EBF3: variants seen among roughly 807,000 people sequenced by gnomAD.
EBF3 encodes the protein EBF transcription factor 3, also known as transcription factor COE3.
In EBF3, 18 loss-of-function variants were observed where a neutral mutation model predicts 77.1. That is an observed-to-expected ratio of 0.23 (90% CI 0.16 to 0.35). The LOEUF (loss-of-function observed/expected upper bound fraction) is 0.35, where lower values mean the gene tolerates loss of function less well. EBF3 is among the 10% of genes least tolerant of loss of function. EBF3 has a pLI of 1.00. For synonymous variants in EBF3, 350 were observed against 343.5 expected, an observed-to-expected ratio of 1.02 and a Z score of -0.21; for missense variants, 558 against 860.0, an observed-to-expected ratio of 0.65 and a Z score of 4.39.
intron 6 of EBF3, among the ~76,000 whole-genome samples, chr10:129,921,446 T>C (rs2134358714): frequency 6.6e-6 from 1 of 152,326 alleles, no homozygotes; most frequent in South Asian, 2.1e-4. Context: ...ATCACCAAGC[T>C]GCCGGCGTCC....
At chr10:129,959,309 A>AGGCCGG (rs1006806328) in intron 4 of EBF3, among the ~76,000 whole-genome samples, 112 of 151,856 alleles carry the variant, frequency 7.4e-4, no homozygotes, top group Non-Finnish European at 1.4e-3. Context: ...AGGGCGAGGG[A>AGGCCGG]GGCCGGGGCC....
intron 8 of EBF3, among the ~76,000 whole-genome samples, chr10:129,871,045 T>C (rs1225258497): frequency 6.6e-6 from 1 of 152,214 alleles, no homozygotes; most frequent in Non-Finnish European, 1.5e-5. Flanking sequence ...GATAGGATTA[T>C]ACCTTTACCT....
rs1027248298 is a variant in EBF3, at chr10:129,848,693, G to A, written c.1040-213C>T. Among the ~76,000 whole-genome samples the A allele has an allele frequency of 1.3e-5, 2 of 152,164 alleles. No individual in the cohort carries two copies. The highest frequency in any genetic ancestry group is 4.8e-5 in the African/African-American group (2 of 41,436). The stretch of plus-strand genomic sequence containing the variant: ...ATTATTTCTGATCTATAATTAGACT[G>A]GAAGAAAGTCAAAGGGTGACTCAAT... On this transcript the variant is annotated intron_variant, in intron 10 of 16. Transcript: ENST00000440978. The surrounding 1 kb of genome is among the most constrained non-coding windows in gnomAD (Gnocchi z 4.4).
intron 10 of EBF3, among the ~76,000 whole-genome samples, chr10:129,860,993 G>A (rs1488412806): frequency 6.6e-6 from 1 of 152,204 alleles, no homozygotes; most frequent in Non-Finnish European, 1.5e-5. Flanking sequence ...TAGCACAAAC[G>A]GTGTGTCTCA....
Position 129,879,203 on chromosome 10 carries a change from G to A in EBF3, c.555-1354C>T, listed in dbSNP as rs1345739336. Among the ~76,000 whole-genome samples, 1 of 152,084 alleles carries A rather than the reference G, an allele frequency of 6.6e-6. No individual in the cohort carries two copies. Among genetic ancestry groups the A allele is most frequent in the East Asian group, 1.9e-4 (1 of 5,188 alleles). On this transcript the variant is annotated intron_variant, in intron 6 of 16. Transcript: ENST00000440978. The surrounding 1 kb of genome is among the most constrained non-coding windows in gnomAD (Gnocchi z 4.7). ...AAAGTGGGTGGGGGGGTTTCTCCCT[G>A]TATAACCTCTGCCTCAACTTGAAAA...
At chr10:129,856,365 G>A (rs1222657595) in intron 10 of EBF3, among the ~76,000 whole-genome samples, 2 of 152,086 alleles carry the variant, frequency 1.3e-5, no homozygotes, top group Non-Finnish European at 2.9e-5. Flanking sequence ...AACAAAATGT[G>A]GTATATCCAT....
At chr10:129,910,726 C>T (rs1182803367) in intron 6 of EBF3, among the ~76,000 whole-genome samples, 2 of 152,184 alleles carry the variant, frequency 1.3e-5, no homozygotes, top group East Asian at 3.9e-4. Flanking sequence ...CAAAGTTGTC[C>T]AGGGCACAGA....
In EBF3 at chr10:129,875,387, G is replaced by T. The variant is rs552676545; in HGVS notation, c.637-1791C>A. Among the ~76,000 whole-genome samples, 51 of 151,960 alleles carry T rather than the reference G, an allele frequency of 3.4e-4. 2 individuals are homozygous for T. In the South Asian group the frequency reaches 0.011, roughly 32 times the overall value. On this transcript the variant is annotated intron_variant, in intron 7 of 16. Coordinates refer to ENST00000440978, the MANE Select transcript of EBF3 (RefSeq NM_001375380.1). ...ATTTTTTGGCATTTGTAGTAGAGAT[G>T]GGGTTTCATCATGTTGGCCAGGCTG...
At position 129,841,046 on chromosome 10, in the gene EBF3, C is replaced by CCA. The variant is rs1850007739; in HGVS notation, c.1373-15_1373-14insTG. Reference sequence around the variant, plus strand: ...GACTGTAGCCGACTGTTGAAATCCCCCCCCCGGCCAAAAATAACATTATTA... The same window carrying CCA: ...GACTGTAGCCGACTGTTGAAATCCCCCACCCCCGGCCAAAAATAACATTATTA... On this transcript the variant is annotated splice_polypyrimidine_tract_variant and intron_variant, in intron 13 of 16. Coordinates refer to ENST00000440978, the MANE Select transcript of EBF3 (RefSeq NM_001375380.1). The surrounding 1 kb of genome is among the most constrained non-coding windows in gnomAD (Gnocchi z 4.6). 1 of 1,602,598 alleles carries CCA rather than the reference C, an allele frequency of 6.2e-7. No homozygotes were observed. Among genetic ancestry groups the CCA allele is most frequent in the Admixed American group, 1.7e-5 (1 of 59,368 alleles).
intron 6 of EBF3, among the ~76,000 whole-genome samples, chr10:129,900,714 A>T (rs1342608373): frequency 6.6e-6 from 1 of 152,254 alleles, no homozygotes; most frequent in African/African-American, 2.4e-5. Flanking sequence ...TTTGCCTGTG[A>T]GAGCACTCAT....
intron 8 of EBF3, among the ~76,000 whole-genome samples, chr10:129,869,085 A>G (rs1000829120): frequency 4.6e-5 from 7 of 152,276 alleles, no homozygotes; most frequent in East Asian, 1.9e-4. Flanking sequence ...CTCCTTGCTG[A>G]TGTTTGGACA....
At chr10:129,890,193 G>A (rs1853924108) in intron 6 of EBF3, among the ~76,000 whole-genome samples, 2 of 152,150 alleles carry the variant, frequency 1.3e-5, no homozygotes, top group Admixed American at 6.5e-5. Context: ...TGCGAGTGGT[G>A]TCATCTTGCA....
chr10:129,842,989 G>T lies in EBF3; in HGVS notation c.1194+148C>A. 1.4e-6 allele frequency: 1 copy of T among 728,596 alleles called. No homozygotes were observed. Among genetic ancestry groups the T allele is most frequent in the Non-Finnish European group, 2.2e-6 (1 of 446,690 alleles). The allele number at this position is 728,596 out of a possible 1,614,324, so 45.1% of individuals were successfully genotyped here. On this transcript the variant is annotated intron_variant, in intron 12 of 16. Transcript: ENST00000440978. The surrounding 1 kb of genome is among the most constrained non-coding windows in gnomAD (Gnocchi z 4.4). Reference sequence around the variant, plus strand: ...CTACGTGAACCTAGCGTGAGGGCAAGGATGGGAAGCCATTCTCACATCAGA... The same window carrying T: ...CTACGTGAACCTAGCGTGAGGGCAATGATGGGAAGCCATTCTCACATCAGA...
In EBF3 at chr10:129,841,064, C is replaced by T. The variant is rs1850016151; in HGVS notation, c.1373-32G>A. 2.5e-6 allele frequency: 4 copies of T among 1,575,278 alleles called. No individual in the cohort carries two copies. Among genetic ancestry groups the T allele is most frequent in the Non-Finnish European group, 3.5e-6 (4 of 1,156,742 alleles). On this transcript the variant is annotated intron_variant, in intron 13 of 16. Transcript: ENST00000440978. The surrounding 1 kb of genome is among the most constrained non-coding windows in gnomAD (Gnocchi z 4.6). The stretch of plus-strand genomic sequence containing the variant: ...AAATCCCCCCCCCGGCCAAAAATAA[C>T]ATTATTATCAGCGACAGACACTTGG...
intron 10 of EBF3, among the ~76,000 whole-genome samples, chr10:129,862,934 A>C (rs1015814576): frequency 6.6e-6 from 1 of 152,248 alleles, no homozygotes; most frequent in African/African-American, 2.4e-5. Context: ...TTCTGGGACT[A>C]TTTTAATTAC....
Position 129,935,264 on chromosome 10 carries a change from C to T in EBF3, c.554+21994G>A, listed in dbSNP as rs1013313941. ...AGCAGCCACTGTGGCCCATGGCTGT[C>T]CCAGCACCCAGAGTGGAGTTGGGAA... On this transcript the variant is annotated intron_variant, in intron 6 of 16. Coordinates refer to ENST00000440978, the MANE Select transcript of EBF3 (RefSeq NM_001375380.1). The surrounding 1 kb of genome is among the most constrained non-coding windows in gnomAD (Gnocchi z 4.2). 1.3e-5 allele frequency among the ~76,000 whole-genome samples: 2 copies of T among 152,108 alleles called. No homozygotes were observed. Among genetic ancestry groups the T allele is most frequent in the African/African-American group, 4.8e-5 (2 of 41,412 alleles).
intron 7 of EBF3, 121 bp downstream of exon 7, chr10:129,877,647 C>T: frequency 1.4e-6 from 1 of 734,288 alleles, no homozygotes; most frequent in Non-Finnish European, 2.3e-6. Flanking sequence ...GCACCAATTC[C>T]AGTTTGCTTC....
At chr10:129,878,319 C>T (rs1589768285) in intron 6 of EBF3, among the ~76,000 whole-genome samples, 1 of 152,118 alleles carries the variant, frequency 6.6e-6, no homozygotes, top group Non-Finnish European at 1.5e-5. Flanking sequence ...CTGGATGTGC[C>T]ATATCTTATC....
chr10:129,928,308 C>A (rs771361960), intron 6 of EBF3, among the ~76,000 whole-genome samples: 11 of 152,172 alleles, frequency 7.2e-5, no homozygotes, highest in Non-Finnish European at 1.5e-4. Context: ...AACTCGCCAG[C>A]CAGAGCTAAC....
Sources: allele counts gnomAD v4.1 joint callset (sites outside exome capture counted in the v4.1 genomes callset), GRCh38; gene constraint gnomAD v4.1.1; non-coding constraint Gnocchi (gnomAD v3.1); transcripts MANE v1.5; gene names NCBI Gene and HGNC (gene_info 2026-07-23, HGNC 2026-07-21).